The following TMEM237 variants were observed in gnomAD, a reference collection of about 807,000 sequenced individuals.
TMEM237 encodes transmembrane protein 237, also known as amyotrophic lateral sclerosis 2 (juvenile) chromosome region, candidate 4.
A neutral mutation model predicts 59.1 loss-of-function variants in TMEM237; 51 were observed. That is an observed-to-expected ratio of 0.86 (90% CI 0.69 to 1.09). The LOEUF (loss-of-function observed/expected upper bound fraction) is 1.09. TMEM237 is among the 50% of genes least tolerant of loss of function. The pLI, the probability that TMEM237 is intolerant of heterozygous loss-of-function variation, is 0.00. For synonymous variants in TMEM237, 140 were observed against 166.1 expected, an observed-to-expected ratio of 0.84 and a Z score of 1.21; for missense variants, 475 against 478.3, an observed-to-expected ratio of 0.99 and a Z score of 0.06.
chr2:201,624,100 C>T lies in TMEM237; in HGVS notation c.*155G>A. ...AATGTTTAGACATAAACAGCAAACACAATTTTAACATTTTTCATAATATTG... is the reference window on the plus strand; with the variant it reads ...AATGTTTAGACATAAACAGCAAACATAATTTTAACATTTTTCATAATATTG... On this transcript the variant is annotated 3_prime_UTR_variant, in exon 13 of 13. Transcript: ENST00000409883. 2.0e-6 allele frequency: 1 copy of T among 491,324 alleles called. No homozygotes were observed. The highest frequency in any genetic ancestry group is 3.5e-6 in the Non-Finnish European group (1 of 286,324). The allele number at this position is 491,324 out of a possible 1,614,324, so 30.4% of individuals were successfully genotyped here.
In TMEM237 at chr2:201,635,182, A is replaced by ATTTACG. The variant is rs1288894407; in HGVS notation, c.274+1560_274+1565dup. Among the ~76,000 whole-genome samples, 3 of 152,192 alleles carry ATTTACG rather than the reference A, an allele frequency of 2.0e-5. No homozygotes were observed. The highest frequency in any genetic ancestry group is 7.2e-5 in the African/African-American group (3 of 41,446). On this transcript the variant is annotated intron_variant, in intron 5 of 12. Coordinates refer to ENST00000409883, the MANE Select transcript of TMEM237 (RefSeq NM_001044385.3). This position sits in a 1 kb window ranked among gnomAD's most constrained non-coding sequence, Gnocchi z 4.5. Reference sequence around the variant, plus strand: ...TTTTACTATGTAGATGTATGTACATATTTACGTTCTGGGTTGAACTGTGCT... The same window carrying ATTTACG: ...TTTTACTATGTAGATGTATGTACATATTTACGTTTACGTTCTGGGTTGAACTGTGCT...
rs1687221901 is a variant in TMEM237, at chr2:201,633,377, T to C, written c.329A>G (p.Asn110Ser). The C allele has an allele frequency of 6.3e-7, 1 of 1,589,458 alleles. No individual in the cohort carries two copies. The highest frequency in any genetic ancestry group is 1.2e-5 in the South Asian group (1 of 86,760). Residue 110 changes from asparagine (N) to serine (S), a missense_variant, in exon 6 of 13, where the codon AAT becomes AGT. Transcript: ENST00000409883. ...KKSSSSSLLR[N>S]ENGIDAEPAE... is the part of the protein sequence containing the mutation. Reference sequence around the variant, plus strand: ...TGGCTCCGCATCAATACCATTTTCATTTCGTAATAAAGATGAACTAGATGA... The same window carrying C: ...TGGCTCCGCATCAATACCATTTTCACTTCGTAATAAAGATGAACTAGATGA...
intron 12 of TMEM237, 81 bp downstream of exon 12, chr2:201,625,945 G>T: frequency 7.5e-7 from 1 of 1,340,858 alleles, no homozygotes; most frequent in Non-Finnish European, 1.0e-6. Flanking sequence ...AATATTATAA[G>T]CTATACCTAT....
At chr2:201,629,891 G>A in intron 7 of TMEM237, 39 bp from the exon 8 acceptor site, 2 of 1,587,418 alleles carry the variant, frequency 1.3e-6, no homozygotes, top group Non-Finnish European at 1.7e-6. Context: ...ACTAGCGAGA[G>A]AGAACCCTGG....
rs962667576 is a variant in TMEM237 at position 201,635,537 on chromosome 2, G to A, written c.274+1211C>T. ...AGCACTTTGGGAGGCCGAGGTGGGC[G>A]GATCACCTGAGGTCAGGAGTTCAAG... On this transcript the variant is annotated intron_variant, in intron 5 of 12. Transcript: ENST00000409883. This position sits in a 1 kb window ranked among gnomAD's most constrained non-coding sequence, Gnocchi z 4.5. Among the ~76,000 whole-genome samples the A allele has an allele frequency of 2.6e-5, 4 of 152,174 alleles. No homozygotes were observed. The highest frequency in any genetic ancestry group is 1.9e-4 in the East Asian group (1 of 5,194).
intron 11 of TMEM237, 105 bp from the exon 12 acceptor site, chr2:201,626,252 G>A (rs1483068352): frequency 1.7e-6 from 2 of 1,194,600 alleles, no homozygotes; most frequent in Non-Finnish European, 2.3e-6. Context: ...CTCTCCTAGA[G>A]AAATAACAAG....
rs778372144 is a variant in TMEM237, at chr2:201,642,697, G to T, written c.42+662C>A. ...GCGCCCCACCCCTCCCGGCTCGGTC[G>T]CGCGCGCAGGCGCAATGCGTCATCG... On this transcript the variant is annotated intron_variant, in intron 1 of 12. Coordinates refer to ENST00000409883, the MANE Select transcript of TMEM237 (RefSeq NM_001044385.3). The T allele has an allele frequency of 2.1e-5, 33 of 1,583,186 alleles. No homozygotes were observed. The African/African-American group carries it at 3.7e-4, about 18-fold the overall frequency.
At chr2:201,631,646 C>T (rs555733932) in intron 7 of TMEM237, among the ~76,000 whole-genome samples, 28 of 152,256 alleles carry the variant, frequency 1.8e-4, no homozygotes, top group African/African-American at 6.5e-4. Flanking sequence ...CCCATAACCC[C>T]ATAAATCCAG....
intron 5 of TMEM237, 183 bp downstream of exon 5, chr2:201,636,559 AAAAGAG>A (rs1434113639): frequency 8.0e-6 from 5 of 625,288 alleles, no homozygotes; most frequent in African/African-American, 7.4e-5. Flanking sequence ...ATATATGATC[AAAAGAG>A]ACCTGTAAAG....
In TMEM237 at chr2:201,633,419, G is replaced by A. The variant is rs376578633; in HGVS notation, c.287C>T (p.Ser96Phe). The A allele has an allele frequency of 2.1e-4, 318 of 1,550,720 alleles. No individual in the cohort carries two copies. Among genetic ancestry groups the A allele is most frequent in the Admixed American group, 7.0e-4 (35 of 50,314 alleles). The change falls in exon 6 of 13, where the codon TCC (serine) becomes TTC (phenylalanine). Residue 96 changes from serine to phenylalanine, a missense_variant. By Grantham distance (155) the Ser-to-Phe change is radical (BLOSUM62 -2). Coordinates refer to ENST00000409883, the MANE Select transcript of TMEM237 (RefSeq NM_001044385.3). ...ACTAGATGACTTCTTTTGGGTGGAGGAAGTCTCCAATTCTGAAAACAAAAT... is the reference window on the plus strand; with the variant it reads ...ACTAGATGACTTCTTTTGGGTGGAGAAAGTCTCCAATTCTGAAAACAAAAT... The part of the protein sequence containing the change: ...KTRLPLELET[S>F]STQKKSSSSS...
intron 11 of TMEM237, 141 bp downstream of exon 11, chr2:201,627,180 C>T: frequency 1.7e-6 from 1 of 575,432 alleles, no homozygotes; most frequent in Non-Finnish European, 3.1e-6. Flanking sequence ...TACCCATTAA[C>T]CAAAGGAATA....
Position 201,624,062 on chromosome 2 carries a change from T to C in TMEM237, c.*193A>G. ...ATTCCCTTTGTCATTAAGATGATAA[T>C]GCTAGACAAATTAATGTTTAGACAT... On this transcript the variant is annotated 3_prime_UTR_variant, in exon 13 of 13. Transcript: ENST00000409883. 1 of 435,216 alleles carries C rather than the reference T, an allele frequency of 2.3e-6. No homozygotes were observed. The highest frequency in any genetic ancestry group is 4.0e-5 in the Admixed American group (1 of 24,770). 27.0% of individuals were successfully genotyped at this position (435,216 alleles called of 1,614,324 possible).
At chr2:201,642,746 C>A (rs1323591782) in intron 1 of TMEM237, 17 of 1,476,194 alleles carry the variant, frequency 1.2e-5, no homozygotes, top group Non-Finnish European at 1.5e-5. Flanking sequence ...GGCTAGTACC[C>A]CGCGCGCAGC....
Position 201,629,421 on chromosome 2 carries a change from C to T in TMEM237, c.678G>A (p.Arg226=). The T allele has an allele frequency of 6.4e-7, 1 of 1,553,784 alleles. No homozygotes were observed. Among genetic ancestry groups the T allele is most frequent in the Non-Finnish European group, 8.6e-7 (1 of 1,157,968 alleles). ...DVALTVHRAF[R]MIGLFSHGFL... is the part of the protein sequence containing the mutation. Reference sequence around the variant, plus strand: ...ATCCATGAGAAAAGAGACCAATCATCCTGAATGGAAAAGGGTTTGATTATT... The same window carrying T: ...ATCCATGAGAAAAGAGACCAATCATTCTGAATGGAAAAGGGTTTGATTATT... The change falls in exon 9 of 13, where the codon AGG becomes AGA. Residue 226 remains arginine, a splice_region_variant and synonymous_variant. Transcript: ENST00000409883.
chr2:201,639,027 C>T lies in TMEM237; in HGVS notation c.98G>A (p.Arg33His), dbSNP rs576586379. ...VPSQDDIPLS[R>H]PKKKKPRTKN... ...TGTTCTGGGCTTCTTTTTCTTAGGA[C>T]GACTAAGTGGAATATCATCTATAAA... The change falls in exon 4 of 13, where the codon CGT becomes CAT. Residue 33 changes from arginine to histidine, a missense_variant. Physicochemically the swap from Arg to His is conservative, Grantham distance 29 (BLOSUM62 0). Coordinates refer to ENST00000409883, the MANE Select transcript of TMEM237 (RefSeq NM_001044385.3). The T allele has an allele frequency of 2.9e-5, 46 of 1,582,000 alleles. No homozygotes were observed. Among genetic ancestry groups the T allele is most frequent in the South Asian group, 5.8e-5 (5 of 86,230 alleles).
chr2:201,640,834 ACTGT>A (rs1319482463), intron 2 of TMEM237, 55 bp downstream of exon 2: 13 of 1,396,224 alleles, frequency 9.3e-6, no homozygotes, highest in Admixed American at 2.1e-5. Context: ...CAATTTTTCC[ACTGT>A]CTTCATTTTC....
chr2:201,643,049 G>A lies in TMEM237; in HGVS notation c.42+310C>T. On this transcript the variant is annotated intron_variant, in intron 1 of 12. Coordinates refer to ENST00000409883, the MANE Select transcript of TMEM237 (RefSeq NM_001044385.3). The surrounding 1 kb of genome is among the most constrained non-coding windows in gnomAD (Gnocchi z 4.3). ...GGAGGAGTCTAGGAGAGGCCTGGCT[G>A]GAAGCCCCGGCACCCGCCGGGCCCC... 1 of 1,244,296 alleles carries A rather than the reference G, an allele frequency of 8.0e-7. No individual in the cohort carries two copies. The highest frequency in any genetic ancestry group is 1.0e-6 in the Non-Finnish European group (1 of 968,454). 77.1% of individuals were successfully genotyped at this position (1,244,296 alleles called of 1,614,324 possible).
In TMEM237 at chr2:201,629,396, A is replaced by G. The variant is rs1173240185; in HGVS notation, c.703T>C (p.Phe235Leu). ...FRMIGLFSHG[F>L]LAGCAVWNIV... Reference sequence around the variant, plus strand: ...TTCCACACAGCACAGCCAGCCAAGAATCCATGAGAAAAGAGACCAATCATC... The same window carrying G: ...TTCCACACAGCACAGCCAGCCAAGAGTCCATGAGAAAAGAGACCAATCATC... The change falls in exon 9 of 13, where the codon TTC (phenylalanine) becomes CTC (leucine). Residue 235 changes from phenylalanine (F) to leucine (L), a missense_variant. Physicochemically the swap from Phe to Leu is conservative, Grantham distance 22. Coordinates refer to ENST00000409883, the MANE Select transcript of TMEM237 (RefSeq NM_001044385.3). The G allele has an allele frequency of 1.3e-6, 2 of 1,580,316 alleles. No homozygotes were observed. Among genetic ancestry groups the G allele is most frequent in the African/African-American group, 1.4e-5 (1 of 73,176 alleles).
intron 9 of TMEM237, among the ~76,000 whole-genome samples, chr2:201,628,694 C>A (rs955639540): frequency 3.9e-5 from 6 of 152,024 alleles, no homozygotes; most frequent in African/African-American, 1.4e-4. Context: ...ACGATAGAGG[C>A]AAATATTGGA....
Sources: gnomAD v4.1 joint callset for allele counts (sites outside exome capture counted in the v4.1 genomes callset) on GRCh38, gnomAD v4.1.1 for gene constraint, Gnocchi (gnomAD v3.1) non-coding constraint, MANE v1.5 for transcripts, NCBI Gene and HGNC (gene_info 2026-07-23, HGNC 2026-07-21) for gene names.